Variants in KCNIP3 observed in about 807,000 individuals in gnomAD.
The protein encoded by KCNIP3 is potassium voltage-gated channel interacting protein 3.
A neutral mutation model predicts 35.0 loss-of-function variants in KCNIP3; 28 were observed. That is an observed-to-expected ratio of 0.80 (90% CI 0.59 to 1.10). The LOEUF is 1.10. KCNIP3 is among the 50% of genes least tolerant of loss of function. The probability of loss-of-function intolerance (pLI) is 0.00; values close to 1 mark genes in which losing one functional copy is unlikely to be tolerated. For synonymous variants in KCNIP3, 134 were observed against 133.8 expected, an observed-to-expected ratio of 1.00 and a Z score of -0.01; for missense variants, 295 against 338.4, an observed-to-expected ratio of 0.87 and a Z score of 1.01.
intron 2 of KCNIP3, among the ~76,000 whole-genome samples, chr2:95,319,022 C>A (rs1678526962): frequency 6.6e-6 from 1 of 152,218 alleles, no homozygotes. Flanking sequence ...GGGCTCATCC[C>A]CCAATCTTGT....
intron 2 of KCNIP3, among the ~76,000 whole-genome samples, chr2:95,358,072 T>C (rs1184691825): frequency 6.6e-6 from 1 of 151,904 alleles, no homozygotes; most frequent in Non-Finnish European, 1.5e-5. Flanking sequence ...CTCTTTGGAG[T>C]TTTGCCACAG....
At position 95,326,501 on chromosome 2, in the gene KCNIP3, A is replaced by G. The variant is rs1678798613; in HGVS notation, c.181+15981A>G. Reference sequence around the variant, plus strand: ...ATTCTTAGCGCCCAACATGGCCTACAGGACCTGTGTAACTGGACCGGCCTG... The same window carrying G: ...ATTCTTAGCGCCCAACATGGCCTACGGGACCTGTGTAACTGGACCGGCCTG... On this transcript the variant is annotated intron_variant, in intron 2 of 8. Transcript: ENST00000295225. Among the ~76,000 whole-genome samples the G allele has an allele frequency of 2.6e-5, 4 of 152,238 alleles. No individual in the cohort carries two copies. The South Asian group carries it at 8.3e-4, about 31-fold the overall frequency.
chr2:95,352,559 C>T (rs567877899), intron 2 of KCNIP3, among the ~76,000 whole-genome samples: 2 of 152,140 alleles, frequency 1.3e-5, no homozygotes, highest in African/African-American at 4.8e-5. Flanking sequence ...AGCCTTCCCC[C>T]CAGCCCTCCC....
intron 2 of KCNIP3, chr2:95,347,053 G>T (rs1679391930): frequency 6.2e-7 from 1 of 1,611,694 alleles, no homozygotes; most frequent in South Asian, 1.1e-5. Context: ...GTGCGCCATG[G>T]CCGTGGTGGT....
intron 2 of KCNIP3, among the ~76,000 whole-genome samples, chr2:95,357,633 T>C (rs1679688330): frequency 6.6e-6 from 1 of 152,140 alleles, no homozygotes; most frequent in Non-Finnish European, 1.5e-5. Flanking sequence ...TGTGAAGTCA[T>C]GAGTGCAGGG....
At chr2:95,354,122 A>G (rs1679595127) in intron 2 of KCNIP3, among the ~76,000 whole-genome samples, 1 of 152,076 alleles carries the variant, frequency 6.6e-6, no homozygotes, top group Admixed American at 6.5e-5. Flanking sequence ...AGGGGTGGGG[A>G]GCAGAGGTAC....
chr2:95,326,955 C>T (rs146205778), intron 2 of KCNIP3, among the ~76,000 whole-genome samples: 2 of 152,306 alleles, frequency 1.3e-5, no homozygotes, highest in African/African-American at 2.4e-5. Context: ...CAGCAGGCCT[C>T]GGTTTACGGG....
intron 2 of KCNIP3, among the ~76,000 whole-genome samples, chr2:95,354,521 A>C (rs1360288866): frequency 6.6e-6 from 1 of 152,004 alleles, no homozygotes; most frequent in Non-Finnish European, 1.5e-5. Context: ...CAGAGGTGTG[A>C]GGTGTGATGG....
At chr2:95,304,141 G>C (rs1678115367) in intron 1 of KCNIP3, among the ~76,000 whole-genome samples, 1 of 152,198 alleles carries the variant, frequency 6.6e-6, no homozygotes, top group South Asian at 2.1e-4. Flanking sequence ...CAAGCCCCCA[G>C]CCTCAGCCAC....
intron 1 of KCNIP3, among the ~76,000 whole-genome samples, chr2:95,305,738 G>T (rs138442752): frequency 5.1e-4 from 77 of 152,236 alleles, no homozygotes; most frequent in African/African-American, 1.8e-3. Context: ...TATATAAATA[G>T]AATCACACAG....
At chr2:95,336,229 G>C (rs1438278296) in intron 2 of KCNIP3, among the ~76,000 whole-genome samples, 1 of 152,134 alleles carries the variant, frequency 6.6e-6, no homozygotes. Flanking sequence ...TTCTGGTCCT[G>C]CCAACCTACA....
In KCNIP3 at chr2:95,357,118, C is replaced by G. The variant is rs188416307; in HGVS notation, c.182-17178C>G. Among the ~76,000 whole-genome samples, 146 of 152,340 alleles carry G rather than the reference C, an allele frequency of 9.6e-4. 3 individuals are homozygous for G. The East Asian group carries it at 0.02, about 21-fold the overall frequency. ...GGCCCCTCCCTCCCCAGGTCAGCGGCTCTACTGTCACATACCTAGACACAG... is the reference window on the plus strand; with the variant it reads ...GGCCCCTCCCTCCCCAGGTCAGCGGGTCTACTGTCACATACCTAGACACAG... On this transcript the variant is annotated intron_variant, in intron 2 of 8. Coordinates refer to ENST00000295225, the MANE Select transcript of KCNIP3 (RefSeq NM_013434.5).
chr2:95,340,674 C>G (rs781207282), intron 2 of KCNIP3, among the ~76,000 whole-genome samples: 1 of 152,146 alleles, frequency 6.6e-6, no homozygotes, highest in Admixed American at 6.5e-5. Flanking sequence ...TAAGAGATGC[C>G]GGAAGAGACG....
chr2:95,356,102 A>G (rs1679651277), intron 2 of KCNIP3, among the ~76,000 whole-genome samples: 1 of 152,168 alleles, frequency 6.6e-6, no homozygotes, highest in Non-Finnish European at 1.5e-5. Flanking sequence ...ACCAGTGATG[A>G]TGAGCATTTT....
chr2:95,355,981 A>G (rs562090282), intron 2 of KCNIP3, among the ~76,000 whole-genome samples: 14 of 152,256 alleles, frequency 9.2e-5, no homozygotes, highest in African/African-American at 2.4e-4. Flanking sequence ...AGGCGTTCCT[A>G]TTTCTCCACA....
intron 5 of KCNIP3, 150 bp downstream of exon 5, chr2:95,375,358 CT>C (rs1248665713): frequency 1.2e-5 from 9 of 724,710 alleles, no homozygotes; most frequent in African/African-American, 3.5e-5. Context: ...GTGGATGTGG[CT>C]GGCCCTGGGC....
intron 2 of KCNIP3, among the ~76,000 whole-genome samples, chr2:95,362,992 T>C (rs1679837859): frequency 6.6e-6 from 1 of 152,258 alleles, no homozygotes. Context: ...TGTATCCATC[T>C]TTCTGGTTTC....
chr2:95,374,181 T>C, intron 2 of KCNIP3, 115 bp from the exon 3 acceptor site: 1 of 1,297,548 alleles, frequency 7.7e-7, no homozygotes, highest in Admixed American at 2.0e-5. Context: ...TCCATGGTAG[T>C]CATGCAAAGA....
chr2:95,348,910 T>A (rs1038176693), intron 2 of KCNIP3, among the ~76,000 whole-genome samples: 1 of 152,194 alleles, frequency 6.6e-6, no homozygotes. Context: ...GTGGGGCTGA[T>A]AAGAATTCCT....
Sources: gnomAD v4.1 joint callset for allele counts (sites outside exome capture counted in the v4.1 genomes callset) on GRCh38, gnomAD v4.1.1 for gene constraint, MANE v1.5 for transcripts, NCBI Gene and HGNC (gene_info 2026-07-23, HGNC 2026-07-21) for gene names.